The following GTF2I variants were observed in gnomAD, a reference collection of about 807,000 sequenced individuals.
GTF2I encodes the protein general transcription factor IIi.
A neutral mutation model predicts 67.6 loss-of-function variants in GTF2I; 12 were observed. That is an observed-to-expected ratio of 0.18 (90% CI 0.11 to 0.29). The LOEUF is 0.29. GTF2I is among the 10% of genes least tolerant of loss of function. The pLI, the probability that GTF2I is intolerant of heterozygous loss-of-function variation, is 1.00. For synonymous variants in GTF2I, 149 were observed against 197.0 expected (o/e 0.76, Z 2.04); for missense variants, 271 against 580.1 (o/e 0.47, Z 5.47).
chr7:74,674,523 C>G (rs1805728501), intron 1 of GTF2I, among the ~76,000 whole-genome samples: 1 of 152,090 alleles, frequency 6.6e-6, no homozygotes, highest in African/African-American at 2.4e-5. Context: ...CACATTTCCA[C>G]CCAGTTTCCT....
At chr7:74,677,798 T>TAAAAAAAAAAAAAAA (rs1806039310) in intron 1 of GTF2I, among the ~76,000 whole-genome samples, 1 of 56,306 alleles carries the variant, frequency 1.8e-5, no homozygotes. Flanking sequence ...AAAAAAAAAG[T>TAAAAAAAAAAAAAAA]AAATTTGGGT....
intron 26 of GTF2I, among the ~76,000 whole-genome samples, chr7:74,749,759 G>A (rs1795677425): frequency 2.7e-5 from 4 of 146,898 alleles, no homozygotes; most frequent in South Asian, 4.3e-4. Context: ...GTGGTGGCAC[G>A]TGCCTGTAAT....
intron 1 of GTF2I, among the ~76,000 whole-genome samples, chr7:74,659,421 A>C: frequency 6.8e-6 from 1 of 147,406 alleles, no homozygotes; most frequent in Non-Finnish European, 1.5e-5. Context: ...ATGGAGTCTC[A>C]CTCTGTGGCC....
At chr7:74,713,244 G>A (rs978414349) in intron 9 of GTF2I, among the ~76,000 whole-genome samples, 14 of 152,232 alleles carry the variant, frequency 9.2e-5, no homozygotes, top group Admixed American at 4.6e-4. Flanking sequence ...AGACTATGTC[G>A]TATTTAAAGG....
intron 1 of GTF2I, among the ~76,000 whole-genome samples, chr7:74,683,342 C>T (rs938268465): frequency 1.3e-5 from 2 of 152,158 alleles, no homozygotes; most frequent in Admixed American, 1.3e-4. Context: ...ATGACACCAA[C>T]AGATAATGAA....
chr7:74,714,963 T>C (rs1792081310), intron 10 of GTF2I, 47 bp downstream of exon 10: 3 of 1,159,192 alleles, frequency 2.6e-6, no homozygotes, highest in South Asian at 2.8e-5. Flanking sequence ...TTGTGTTTAA[T>C]GTTTCCTTAT....
intron 1 of GTF2I, among the ~76,000 whole-genome samples, chr7:74,682,069 T>A (rs1295979854): frequency 6.6e-6 from 1 of 152,200 alleles, no homozygotes; most frequent in African/African-American, 2.4e-5. Context: ...ACTTATTTTG[T>A]GGTTTTGGAT....
At chr7:74,695,717 A>G (rs1481776759) in intron 3 of GTF2I, among the ~76,000 whole-genome samples, 2 of 151,890 alleles carry the variant, frequency 1.3e-5, no homozygotes, top group Non-Finnish European at 2.9e-5. Context: ...TTATTTTTAA[A>G]ATGTTGACAT....
chr7:74,705,133 A>G, intron 6 of GTF2I, 31 bp from the exon 7 acceptor site: 2 of 1,444,522 alleles, frequency 1.4e-6, no homozygotes, highest in Non-Finnish European at 1.9e-6. Flanking sequence ...ATGTTGAAAA[A>G]CTAACTCCAA....
At chr7:74,712,024 A>G (rs1791611832) in intron 9 of GTF2I, among the ~76,000 whole-genome samples, 1 of 146,022 alleles carries the variant, frequency 6.8e-6, no homozygotes, top group Non-Finnish European at 1.5e-5. Context: ...ATCTTGGCTC[A>G]CTGCAACCTC....
At chr7:74,695,638 C>T (rs1788814758) in intron 3 of GTF2I, among the ~76,000 whole-genome samples, 1 of 152,126 alleles carries the variant, frequency 6.6e-6, no homozygotes, top group African/African-American at 2.4e-5. Context: ...AAAACTATCC[C>T]CTGCCACTGT....
At position 74,705,197 on chromosome 7, in the gene GTF2I, C is replaced by T. The variant is rs368674948; in HGVS notation, c.620C>T (p.Ser207Leu). 5.6e-6 allele frequency: 9 copies of T among 1,602,282 alleles called. No homozygotes were observed. The highest frequency in any genetic ancestry group is 7.7e-6 in the Non-Finnish European group (9 of 1,170,322). The change falls in exon 7 of 35, where the codon TCA (serine) becomes TTA (leucine). Residue 207 changes from serine to leucine, a missense_variant. Transcript: ENST00000573035. ...GTGATGGTAACAGATGCTGACAGGTCAATACTATCTCCAGGTGGAAGGTAA... is the reference window on the plus strand; with the variant it reads ...GTGATGGTAACAGATGCTGACAGGTTAATACTATCTCCAGGTGGAAGGTAA... ...GRVMVTDADR[S>L]ILSPGGSCGP...
chr7:74,697,942 TA>T (rs1418674580), intron 3 of GTF2I, among the ~76,000 whole-genome samples: 1 of 51,248 alleles, frequency 2.0e-5, no homozygotes, highest in Non-Finnish European at 3.6e-5. Flanking sequence ...CTAATTTTTG[TA>T]TTTTTTGTTT....
At chr7:74,723,192 C>T (rs372612291) in intron 12 of GTF2I, among the ~76,000 whole-genome samples, 8 of 145,848 alleles carry the variant, frequency 5.5e-5, no homozygotes, top group East Asian at 2.1e-4. Flanking sequence ...GGCGCAATCT[C>T]GGCTCACTGC....
At position 74,706,441 on chromosome 7, in the gene GTF2I, C is replaced by T; in HGVS notation, c.685+8C>T. The T allele has an allele frequency of 6.3e-7, 1 of 1,594,616 alleles. No individual in the cohort carries two copies. Among genetic ancestry groups the T allele is most frequent in the Non-Finnish European group, 8.6e-7 (1 of 1,162,382 alleles). ...AACCCACAGAAGATTCTGGTATGTA[C>T]TAGCACTTTTAGAATCAATGGTGAA... On this transcript the variant is annotated splice_region_variant and intron_variant, in intron 8 of 34. Transcript: ENST00000573035.
At chr7:74,726,285 G>C (rs1250470094) in intron 12 of GTF2I, among the ~76,000 whole-genome samples, 2 of 152,180 alleles carry the variant, frequency 1.3e-5, no homozygotes, top group African/African-American at 4.8e-5. Flanking sequence ...GGTGAAATGA[G>C]TGTATTTTGT....
intron 1 of GTF2I, among the ~76,000 whole-genome samples, chr7:74,683,719 G>A (rs1336416012): frequency 6.6e-6 from 1 of 152,026 alleles, no homozygotes; most frequent in Non-Finnish European, 1.5e-5. Flanking sequence ...CGGGTGTGGT[G>A]GCGGGCGCCT....
At chr7:74,719,090 C>T (rs1792610874) in intron 12 of GTF2I, 149 bp downstream of exon 12, 2 of 501,996 alleles carry the variant, frequency 4.0e-6, no homozygotes, top group Non-Finnish European at 7.1e-6. Context: ...GCAGCCCACT[C>T]CCCAGTGCTT....
intron 4 of GTF2I, among the ~76,000 whole-genome samples, 183 bp downstream of exon 4, chr7:74,699,278 A>G (rs1789395434): frequency 1.3e-5 from 2 of 151,808 alleles, no homozygotes; most frequent in Admixed American, 1.3e-4. Context: ...TGTGGCCAGT[A>G]GAGCTGTTTC....
Sources: allele counts gnomAD v4.1 joint callset (sites outside exome capture counted in the v4.1 genomes callset), GRCh38; gene constraint gnomAD v4.1.1; transcripts MANE v1.5; gene names NCBI Gene and HGNC (gene_info 2026-07-23, HGNC 2026-07-21).